WDPCP: variants seen among roughly 807,000 people sequenced by gnomAD.
WDPCP encodes the protein WD repeat containing planar cell polarity effector, also known as WD repeat-containing and planar cell polarity effector protein fritz homolog.
In WDPCP, 71 loss-of-function variants were observed where a neutral mutation model predicts 93.1. That is an observed-to-expected ratio of 0.76 (90% CI 0.63 to 0.93). The LOEUF (loss-of-function observed/expected upper bound fraction) is 0.93. Ranked by LOEUF, WDPCP falls within the 40% of genes least tolerant of loss-of-function variation. The probability of loss-of-function intolerance (pLI) is 0.00; values close to 1 mark genes in which losing one functional copy is unlikely to be tolerated. For synonymous variants in WDPCP, 315 were observed against 315.0 expected, an observed-to-expected ratio of 1.00 and a Z score of 0.00; for missense variants, 844 against 887.4, an observed-to-expected ratio of 0.95 and a Z score of 0.62.
At chr2:63,226,061 C>T (rs890765344) in intron 14 of WDPCP, among the ~76,000 whole-genome samples, 1 of 151,842 alleles carries the variant, frequency 6.6e-6, no homozygotes, top group Admixed American at 6.6e-5. Flanking sequence ...TCTTCCAAAG[C>T]AAATCTTGTT....
chr2:63,425,064 G>T (rs1022353), intron 9 of WDPCP, among the ~76,000 whole-genome samples: 70,658 of 152,004 alleles, frequency 0.46, 17,066 homozygotes, highest in African/African-American at 0.59. Context: ...TACTCTTCCA[G>T]TATACATAGC....
At chr2:63,705,003 A>C (rs1669125830) in intron 2 of WDPCP, among the ~76,000 whole-genome samples, 1 of 152,172 alleles carries the variant, frequency 6.6e-6, no homozygotes, top group Non-Finnish European at 1.5e-5. Context: ...TCAGAGATTA[A>C]AATTCTTCCT....
intron 3 of WDPCP, among the ~76,000 whole-genome samples, chr2:63,648,517 G>A (rs1431341625): frequency 2.0e-5 from 3 of 152,090 alleles, no homozygotes; most frequent in Non-Finnish European, 4.4e-5. Flanking sequence ...AAAATACGGT[G>A]CCCCTAGTCA....
At position 63,381,910 on chromosome 2, in the gene WDPCP, T is replaced by A; in HGVS notation, c.1620A>T (p.Arg540Ser). 1 of 1,613,328 alleles carries A rather than the reference T, an allele frequency of 6.2e-7. No homozygotes were observed. The highest frequency in any genetic ancestry group is 1.1e-5 in the South Asian group (1 of 91,066). Residue 540 changes from arginine (R) to serine (S), a missense_variant, in exon 11 of 18, where the codon AGA becomes AGT. By Grantham distance (110) the Arg-to-Ser change is moderately radical. Coordinates refer to ENST00000272321, the MANE Select transcript of WDPCP (RefSeq NM_015910.7). ...GAAAAATATTTCAAGTCTGACCTTC[T>A]CTCTCTGGAGTGAGCTTCTGTCTAA... ...HLLRQKLTPE[R>S]EAQLETSLGT... is the part of the protein sequence containing the mutation.
At chr2:63,831,754 T>C (rs772569961), upstream of WDPCP, among the ~76,000 whole-genome samples, 1 of 152,084 alleles carries the variant, frequency 6.6e-6, no homozygotes, top group Non-Finnish European at 1.5e-5. Context: ...TTTTTTAACA[T>C]CAAAACCAAT....
At chr2:63,384,656 C>T (rs920549459) in intron 10 of WDPCP, among the ~76,000 whole-genome samples, 9 of 151,526 alleles carry the variant, frequency 5.9e-5, no homozygotes, top group Non-Finnish European at 7.4e-5. Flanking sequence ...GAGGCTAAGG[C>T]GGGAGGACTG....
At chr2:63,214,854 GA>G (rs1335210226) in intron 14 of WDPCP, among the ~76,000 whole-genome samples, 3 of 152,124 alleles carry the variant, frequency 2.0e-5, no homozygotes, top group Non-Finnish European at 4.4e-5. Context: ...GCCAAATCAT[GA>G]GGGAACTCCC....
intron 14 of WDPCP, among the ~76,000 whole-genome samples, chr2:63,222,352 C>T (rs1035513905): frequency 1.3e-5 from 2 of 152,154 alleles, no homozygotes; most frequent in South Asian, 2.1e-4. Context: ...GGATTTAGCA[C>T]AACAGGATTC....
intron 9 of WDPCP, among the ~76,000 whole-genome samples, chr2:63,419,855 A>G (rs1438993117): frequency 6.6e-6 from 1 of 152,208 alleles, no homozygotes; most frequent in Non-Finnish European, 1.5e-5. Flanking sequence ...AAGTGCCAGT[A>G]AGTAACCAAG....
intron 2 of WDPCP, 134 bp from the exon 3 acceptor site, chr2:63,487,628 G>C: frequency 1.6e-6 from 1 of 607,534 alleles, no homozygotes; most frequent in Non-Finnish European, 2.9e-6. Flanking sequence ...AAATAAAATG[G>C]CTCAAAAGCA....
chr2:63,520,627 C>T (rs899514402), intron 1 of WDPCP, among the ~76,000 whole-genome samples: 29 of 152,160 alleles, frequency 1.9e-4, no homozygotes, highest in Admixed American at 3.3e-4. Context: ...CGTGATGGCT[C>T]ACACCTGTAA....
chr2:63,550,792 T>TGC (rs1491431163), intron 1 of WDPCP, among the ~76,000 whole-genome samples: 1,626 of 10,330 alleles, frequency 0.16, 20 homozygotes, highest in East Asian at 0.3. Context: ...CATATATATG[T>TGC]ATATATATAT....
At chr2:63,527,853 T>C (rs975046057) in intron 1 of WDPCP, among the ~76,000 whole-genome samples, 5 of 151,478 alleles carry the variant, frequency 3.3e-5, no homozygotes, top group Non-Finnish European at 7.4e-5. Flanking sequence ...AAAAGCGTTC[T>C]TATTTCTCCA....
intron 2 of WDPCP, chr2:63,717,058 G>T: frequency 1.1e-5 from 3 of 271,510 alleles, no homozygotes; most frequent in South Asian, 8.3e-5. Context: ...GGCAGTGGTG[G>T]TTCCCATTCC....
At chr2:63,672,595 A>C (rs182984983) in intron 2 of WDPCP, among the ~76,000 whole-genome samples, 1,781 of 152,132 alleles carry the variant, frequency 0.012, 14 homozygotes, top group Non-Finnish European at 0.014. Context: ...CCTAAAATTT[A>C]CCATTTTAAC....
chr2:63,444,748 T>C (rs1392202333), intron 6 of WDPCP, among the ~76,000 whole-genome samples: 3 of 152,052 alleles, frequency 2.0e-5, no homozygotes, highest in Non-Finnish European at 4.4e-5. Flanking sequence ...CTGTCCCAAT[T>C]TGAATGTTGT....
intron 2 of WDPCP, among the ~76,000 whole-genome samples, chr2:63,654,836 A>T (rs897882950): frequency 1.3e-4 from 19 of 151,336 alleles, no homozygotes; most frequent in African/African-American, 3.9e-4. Context: ...GTATATTTTT[A>T]TTTTTTTTTA....
chr2:63,354,988 G>C (rs369652187), intron 12 of WDPCP, among the ~76,000 whole-genome samples: 9 of 152,324 alleles, frequency 5.9e-5, no homozygotes, highest in African/African-American at 9.6e-5. Flanking sequence ...CTGAAAGGGA[G>C]GGGGAGAAAG....
At chr2:63,375,894 G>C (rs1691817193) in intron 12 of WDPCP, among the ~76,000 whole-genome samples, 1 of 151,848 alleles carries the variant, frequency 6.6e-6, no homozygotes, top group South Asian at 2.1e-4. Context: ...CCTAATCTCT[G>C]TGGGGCAACT....
Sources: gnomAD v4.1 joint callset for allele counts (sites outside exome capture counted in the v4.1 genomes callset) on GRCh38, gnomAD v4.1.1 for gene constraint, MANE v1.5 for transcripts, NCBI Gene and HGNC (gene_info 2026-07-23, HGNC 2026-07-21) for gene names.